BAIAP3: variants seen among roughly 807,000 people sequenced by gnomAD.
The protein encoded by BAIAP3 is BAI1 associated protein 3.
In BAIAP3, 180 loss-of-function variants were observed where a neutral mutation model predicts 149.7. The observed-to-expected ratio is 1.20, with a 90% CI of 1.07 to 1.36. The LOEUF (loss-of-function observed/expected upper bound fraction) is 1.36, where lower values mean the gene tolerates loss of function less well. BAIAP3 is among the 40% of genes most tolerant of loss of function. The pLI is 0.00. For synonymous variants in BAIAP3, 845 were observed against 670.7 expected, an observed-to-expected ratio of 1.26 and a Z score of -4.02; for missense variants, 1,767 against 1,563.4, an observed-to-expected ratio of 1.13 and a Z score of -2.20.
rs765722238 is a variant in BAIAP3, at chr16:1,348,317, G to T, written c.3355+16G>T. On this transcript the variant is annotated intron_variant, in intron 33 of 33. Coordinates refer to ENST00000426824, the MANE Select transcript of BAIAP3 (RefSeq NM_001199097.2). ...AGAGCCCAGGGTGAGTGAGCATCTG[G>T]GTGGAGGCAGGGGCAGCGGGCCTGA... is the stretch of plus-strand genomic sequence containing the variant. 8.8e-5 allele frequency: 141 copies of T among 1,602,408 alleles called. No individual in the cohort carries two copies. The Middle Eastern group carries it at 2.5e-3, about 28-fold the overall frequency.
intron 14 of BAIAP3, 28 bp downstream of exon 14, chr16:1,343,044 G>A: frequency 1.3e-6 from 2 of 1,591,388 alleles, no homozygotes; most frequent in Non-Finnish European, 1.7e-6. Context: ...CGAGTGGGCG[G>A]GGAATGTGGG....
chr16:1,341,878 TGC>T lies in BAIAP3; in HGVS notation c.776+15_776+16del. 1.2e-6 allele frequency: 2 copies of T among 1,610,700 alleles called. No individual in the cohort carries two copies. Among genetic ancestry groups the T allele is most frequent in the Non-Finnish European group, 1.7e-6 (2 of 1,179,190 alleles). On this transcript the variant is annotated intron_variant, in intron 9 of 33. Transcript: ENST00000426824. Reference sequence around the variant, plus strand: ...CACCTGGACATCTGGTACAGGCCCCTGCGCCATGCAGGGCGGCGGGGATGCAC... The same window carrying T: ...CACCTGGACATCTGGTACAGGCCCCTGCCATGCAGGGCGGCGGGGATGCAC...
intron 3 of BAIAP3, 33 bp downstream of exon 3, chr16:1,339,022 A>G: frequency 6.2e-7 from 1 of 1,610,748 alleles, no homozygotes; most frequent in Non-Finnish European, 8.5e-7. Context: ...CCGATACCAC[A>G]GCCCAGCATG....
At chr16:1,339,271 C>T in intron 4 of BAIAP3, 27 bp downstream of exon 4, 2 of 1,549,080 alleles carry the variant, frequency 1.3e-6, no homozygotes, top group Non-Finnish European at 8.7e-7. Flanking sequence ...GAACCAGGGG[C>T]AGTCGTCTGC....
In BAIAP3 at chr16:1,344,522, G is replaced by A. The variant is rs771116875; in HGVS notation, c.1656G>A (p.Glu552=). Reference sequence around the variant, plus strand: ...TCCTGAATGACAAGAGTCCCCGAGAGCAGGTGCAGTTGTGGGGGACCCTGG... The same window carrying A: ...TCCTGAATGACAAGAGTCCCCGAGAACAGGTGCAGTTGTGGGGGACCCTGG... ...DRILNDKSPR[E]QPGPQRLPGL... Residue 552 remains glutamate (E), a synonymous_variant, in exon 18 of 34, where the codon GAG becomes GAA. Coordinates refer to ENST00000426824, the MANE Select transcript of BAIAP3 (RefSeq NM_001199097.2). 1.2e-6 allele frequency: 2 copies of A among 1,612,980 alleles called. No homozygotes were observed. Among genetic ancestry groups the A allele is most frequent in the Non-Finnish European group, 1.7e-6 (2 of 1,179,948 alleles).
In BAIAP3 at chr16:1,340,981, G is replaced by C. The variant is rs1437102922; in HGVS notation, c.468G>C (p.Lys156Asn). Reference protein sequence around the residue: ...TEAIERVRKAKAPTYALKVSV... With the variant: ...TEAIERVRKANAPTYALKVSV... ...CCATCGAGCGAGTGAGGAAGGCCAA[G>C]GTGAGGCCGCCACTGCCTGGGCAGG... The change falls in exon 6 of 34, where the codon AAG becomes AAC. Residue 156 changes from lysine (K) to asparagine (N), a missense_variant and splice_region_variant. Coordinates refer to ENST00000426824, the MANE Select transcript of BAIAP3 (RefSeq NM_001199097.2). The C allele has an allele frequency of 6.3e-7, 1 of 1,598,496 alleles. No individual in the cohort carries two copies. The highest frequency in any genetic ancestry group is 1.7e-5 in the Admixed American group (1 of 57,486).
rs1369903960 is a variant in BAIAP3, at chr16:1,338,523, T to C, written c.-10-17T>C. On this transcript the variant is annotated splice_polypyrimidine_tract_variant and intron_variant, in intron 1 of 33. Transcript: ENST00000426824. ...GAGTGGACGACCTGAGGCTGCGGGC[T>C]GTGCTCTCTGCTGTAGGTCACCCGC... The C allele has an allele frequency of 2.2e-6, 3 of 1,358,002 alleles. No homozygotes were observed. The highest frequency in any genetic ancestry group is 1.1e-5 in the South Asian group (1 of 87,096). 84.1% of individuals were successfully genotyped at this position (1,358,002 alleles called of 1,614,324 possible).
rs773496596 is a variant in BAIAP3 at position 1,346,289 on chromosome 16, C to G, written c.2421C>G (p.Leu807=). The change falls in exon 25 of 34, where the codon CTC becomes CTG. Residue 807 remains leucine (L), a synonymous_variant. Transcript: ENST00000426824. Reference sequence around the variant, plus strand: ...AGGGGGTGCTCCCCCGCCCTCTGCTCAGCTGCACACAGGCCCTGGACGATG... The same window carrying G: ...AGGGGGTGCTCCCCCGCCCTCTGCTGAGCTGCACACAGGCCCTGGACGATG... ...GPEGVLPRPL[L]SCTQALDDDL... is the part of the protein sequence containing the mutation. The G allele has an allele frequency of 6.2e-7, 1 of 1,606,952 alleles. No homozygotes were observed. Among genetic ancestry groups the G allele is most frequent in the African/African-American group, 1.3e-5 (1 of 74,944 alleles).
Position 1,345,334 on chromosome 16 carries a change from G to A in BAIAP3, c.2026G>A (p.Ala676Thr), listed in dbSNP as rs1327994375. The change falls in exon 22 of 34, where the codon GCC becomes ACC. Residue 676 changes from alanine (A) to threonine (T), a missense_variant. Transcript: ENST00000426824. ...KLWFQVLRDQ[A>T]KWRLQGAVDM... Reference sequence around the variant, plus strand: ...CTGGTTCCAAGTGCTGAGGGACCAGGCCAAGTGGAGGCTTCAGGGAGCCGT... The same window carrying A: ...CTGGTTCCAAGTGCTGAGGGACCAGACCAAGTGGAGGCTTCAGGGAGCCGT... 1.7e-5 allele frequency: 28 copies of A among 1,612,986 alleles called. No homozygotes were observed. The highest frequency in any genetic ancestry group is 2.2e-5 in the Non-Finnish European group (26 of 1,179,884).
intron 5 of BAIAP3, among the ~76,000 whole-genome samples, chr16:1,340,586 A>G (rs1326189030): frequency 6.6e-6 from 1 of 152,112 alleles, no homozygotes; most frequent in Non-Finnish European, 1.5e-5. Flanking sequence ...CTGCATGTCT[A>G]CACAGACACA....
At chr16:1,339,067 C>A in intron 3 of BAIAP3, 78 bp downstream of exon 3, 2 of 1,602,048 alleles carry the variant, frequency 1.2e-6, no homozygotes, top group Non-Finnish European at 1.7e-6. Flanking sequence ...CTCCCTCCTG[C>A]CCTCGCTCCC....
intron 13 of BAIAP3, 37 bp from the exon 14 acceptor site, chr16:1,342,876 T>C (rs742458): frequency 0.39 from 628,233 of 1,611,190 alleles, 128,074 homozygotes; most frequent in East Asian, 0.79. Flanking sequence ...GATGTGGGGC[T>C]GTCCCGCCTC....
Position 1,346,883 on chromosome 16 carries a change from CA to C in BAIAP3, c.2680del (p.Ile894PhefsTer42). 6.2e-7 allele frequency: 1 copy of C among 1,609,546 alleles called. No homozygotes were observed. The highest frequency in any genetic ancestry group is 1.1e-5 in the South Asian group (1 of 90,668). Reference protein sequence around the residue: ...EALWELLLQAILQALGANRDV... With the variant: ...EALWELLLQAXLQALGANRDV... ...CCCTGTGGGAGCTACTCCTCCAGGC[CA>C]TTCTGCAGGCGCTGGGTGCAAACCG... On this transcript the variant is annotated frameshift_variant, in exon 28 of 34. Coordinates refer to ENST00000426824, the MANE Select transcript of BAIAP3 (RefSeq NM_001199097.2). LOFTEE classifies it high-confidence loss of function.
At position 1,346,619 on chromosome 16, in the gene BAIAP3, C is replaced by T. The variant is rs935136220; in HGVS notation, c.2577C>T (p.Leu859=). 1.3e-6 allele frequency: 2 copies of T among 1,519,154 alleles called. No individual in the cohort carries two copies. The highest frequency in any genetic ancestry group is 8.8e-7 in the Non-Finnish European group (1 of 1,130,770). 94.1% of individuals were successfully genotyped at this position (1,519,154 alleles called of 1,614,324 possible). A position where few individuals can be genotyped will look rare whatever the true frequency, so the allele number is the denominator to read the frequency against. Residue 859 remains leucine, a synonymous_variant, in exon 27 of 34, where the codon CTC becomes CTT. Transcript: ENST00000426824. ...SIQNDEAVAP[L]MKYLDEKLAL... Reference sequence around the variant, plus strand: ...CCTGCCCGCAGGCCGTGGCCCCGCTCATGAAGTACCTGGATGAGAAGCTGG... The same window carrying T: ...CCTGCCCGCAGGCCGTGGCCCCGCTTATGAAGTACCTGGATGAGAAGCTGG...
chr16:1,335,035 C>T (rs2033368918), intron 1 of BAIAP3, among the ~76,000 whole-genome samples: 2 of 152,196 alleles, frequency 1.3e-5, no homozygotes, highest in African/African-American at 4.8e-5. Flanking sequence ...GCTGACCCAG[C>T]CTCTGCTCCG....
chr16:1,335,472 C>T (rs940477798), intron 1 of BAIAP3, among the ~76,000 whole-genome samples: 5 of 152,304 alleles, frequency 3.3e-5, no homozygotes, highest in African/African-American at 1.2e-4. Flanking sequence ...CGGGGGGTCC[C>T]CTGCACCTGG....
At chr16:1,340,193 ACG>A (rs1429358129) in intron 5 of BAIAP3, among the ~76,000 whole-genome samples, 10 of 114,574 alleles carry the variant, frequency 8.7e-5, no homozygotes, top group Non-Finnish European at 1.2e-4. Context: ...ACACAGACAC[ACG>A]CACACAGGCT....
chr16:1,343,381 C>G lies in BAIAP3; in HGVS notation c.1266-12C>G, dbSNP rs1335770248. The G allele has an allele frequency of 1.3e-6, 2 of 1,578,310 alleles. No homozygotes were observed. The highest frequency in any genetic ancestry group is 1.7e-6 in the Non-Finnish European group (2 of 1,162,954). On this transcript the variant is annotated splice_polypyrimidine_tract_variant and intron_variant, in intron 14 of 33. Transcript: ENST00000426824. ...GGGTTCATACCCTTTGACCATGGGC[C>G]GGGCCCCACAGGCACTGGCAGGTCA...
chr16:1,343,336 G>C, intron 14 of BAIAP3, 57 bp from the exon 15 acceptor site: 1 of 1,558,386 alleles, frequency 6.4e-7, no homozygotes, highest in Non-Finnish European at 8.7e-7. Flanking sequence ...AGGCGGTGCT[G>C]AGTGGGCATG....
Sources: gnomAD v4.1 joint callset for allele counts (sites outside exome capture counted in the v4.1 genomes callset) on GRCh38, gnomAD v4.1.1 for gene constraint, MANE v1.5 for transcripts, NCBI Gene and HGNC (gene_info 2026-07-23, HGNC 2026-07-21) for gene names.